SMARCC1: variants seen among roughly 807,000 people sequenced by gnomAD.
SMARCC1 encodes SWI/SNF complex subunit SMARCC1.
SMARCC1 carries 43 observed loss-of-function variants against 147.4 expected under a neutral mutation model. That is an observed-to-expected ratio of 0.29 (90% CI 0.23 to 0.38). The LOEUF (loss-of-function observed/expected upper bound fraction) is 0.38, where lower values mean the gene tolerates loss of function less well. SMARCC1 is among the 10% of genes least tolerant of loss of function. The pLI is 1.00. For missense variants in SMARCC1, 1,119 were observed against 1,381.1 expected, an observed-to-expected ratio of 0.81 and a Z score of 3.01; for synonymous variants, 495 against 484.4, an observed-to-expected ratio of 1.02 and a Z score of -0.29.
chr3:47,608,385 C>G (rs1268711335), intron 26 of SMARCC1, among the ~76,000 whole-genome samples: 1 of 152,156 alleles, frequency 6.6e-6, no homozygotes, highest in Non-Finnish European at 1.5e-5. Context: ...TTGCGCCCGG[C>G]CTAAAATAGC....
chr3:47,624,284 C>T (rs1056162771), intron 24 of SMARCC1, among the ~76,000 whole-genome samples: 6 of 151,426 alleles, frequency 4.0e-5, no homozygotes, highest in African/African-American at 1.5e-4. Context: ...AACAAGAATC[C>T]ATCTCAAAAA....
chr3:47,659,959 G>A (rs556271009), intron 21 of SMARCC1, among the ~76,000 whole-genome samples: 3 of 151,990 alleles, frequency 2.0e-5, no homozygotes, highest in African/African-American at 4.8e-5. Flanking sequence ...TATACATTAC[G>A]GGTAAGAACA....
At chr3:47,692,550 T>C (rs1462543746) in intron 12 of SMARCC1, among the ~76,000 whole-genome samples, 1 of 152,212 alleles carries the variant, frequency 6.6e-6, no homozygotes, top group Non-Finnish European at 1.5e-5. Flanking sequence ...ATTATATTAT[T>C]ACCACCTTCC....
intron 26 of SMARCC1, among the ~76,000 whole-genome samples, chr3:47,592,190 G>A (rs1311324260): frequency 6.6e-6 from 1 of 152,148 alleles, no homozygotes; most frequent in East Asian, 1.9e-4. Context: ...TGAGCCTTCT[G>A]ACCCTTTAGA....
At chr3:47,660,108 T>C (rs994674064) in intron 21 of SMARCC1, among the ~76,000 whole-genome samples, 1 of 152,030 alleles carries the variant, frequency 6.6e-6, no homozygotes, top group Non-Finnish European at 1.5e-5. Flanking sequence ...ACAAAAAAGC[T>C]TGTATATAAG....
At chr3:47,778,935 C>T (rs1245564904) in intron 1 of SMARCC1, among the ~76,000 whole-genome samples, 1 of 151,798 alleles carries the variant, frequency 6.6e-6, no homozygotes, top group Non-Finnish European at 1.5e-5. Context: ...CTGCAGTGTG[C>T]TATGATCTCA....
intron 5 of SMARCC1, among the ~76,000 whole-genome samples, chr3:47,733,498 G>A (rs2034401376): frequency 6.6e-6 from 1 of 152,136 alleles, no homozygotes; most frequent in Non-Finnish European, 1.5e-5. Context: ...GCTCATGACT[G>A]TAATCTCAGC....
At chr3:47,635,991 T>C in intron 23 of SMARCC1, 31 bp downstream of exon 23, 1 of 1,036,694 alleles carries the variant, frequency 9.6e-7, no homozygotes, top group Non-Finnish European at 1.5e-6. Flanking sequence ...CAGTTTTACA[T>C]AATAATATCT....
intron 3 of SMARCC1, among the ~76,000 whole-genome samples, chr3:47,743,356 A>G (rs2034530278): frequency 6.6e-6 from 1 of 152,212 alleles, no homozygotes; most frequent in South Asian, 2.1e-4. Context: ...AAAAATTCTT[A>G]TTCCTGACAA....
chr3:47,693,638 TA>T (rs1033830909), intron 11 of SMARCC1, among the ~76,000 whole-genome samples: 2 of 152,078 alleles, frequency 1.3e-5, no homozygotes, highest in African/African-American at 4.8e-5. Flanking sequence ...TTCATTCTTT[TA>T]AAAAAAATTA....
At chr3:47,598,782 C>A (rs1262781394) in intron 26 of SMARCC1, among the ~76,000 whole-genome samples, 27 of 141,926 alleles carry the variant, frequency 1.9e-4, no homozygotes, top group African/African-American at 6.6e-4. Context: ...GAGCTGAGAT[C>A]ACGCCACTGC....
At chr3:47,606,101 A>T (rs76458485) in intron 26 of SMARCC1, among the ~76,000 whole-genome samples, 1 of 148,832 alleles carries the variant, frequency 6.7e-6, no homozygotes, top group Non-Finnish European at 1.5e-5. Flanking sequence ...GACTAAAAAT[A>T]AAAAAAAAAC....
At position 47,592,960 on chromosome 3, in the gene SMARCC1, C is replaced by A. The variant is rs997227608; in HGVS notation, c.3044-2123G>T. Among the ~76,000 whole-genome samples the A allele has an allele frequency of 1.1e-4, 17 of 151,912 alleles. 1 individual carries two copies. The highest frequency in any genetic ancestry group is 1.0e-3 in the Admixed American group (16 of 15,242). ...TCAGCCTCCTAAGTAGTTGGGACTA[C>A]AGGTGTGCACCACCATGCCTGGCTC... On this transcript the variant is annotated intron_variant, in intron 26 of 27. Transcript: ENST00000254480.
chr3:47,706,655 A>G, intron 9 of SMARCC1, 125 bp from the exon 10 acceptor site: 1 of 839,798 alleles, frequency 1.2e-6, no homozygotes, highest in Non-Finnish European at 1.7e-6. Flanking sequence ...AGCAAATAAA[A>G]AGAATATCAT....
intron 9 of SMARCC1, among the ~76,000 whole-genome samples, chr3:47,709,425 C>T (rs1470011624): frequency 4.6e-5 from 7 of 152,086 alleles, no homozygotes; most frequent in Non-Finnish European, 1.0e-4. Flanking sequence ...GTGGCTCATG[C>T]CTGTAATCCC....
intron 18 of SMARCC1, among the ~76,000 whole-genome samples, chr3:47,674,534 T>C (rs1014600285): frequency 6.6e-6 from 1 of 152,238 alleles, no homozygotes; most frequent in Non-Finnish European, 1.5e-5. Context: ...TATGTTCTTC[T>C]CTACCCTCGC....
intron 13 of SMARCC1, among the ~76,000 whole-genome samples, chr3:47,688,339 A>T (rs531449992): frequency 4.4e-4 from 66 of 151,670 alleles, no homozygotes; most frequent in Non-Finnish European, 7.8e-4. Context: ...AGAACAATAC[A>T]GGTGAAGAGT....
At chr3:47,695,721 C>G (rs1022473637) in intron 11 of SMARCC1, among the ~76,000 whole-genome samples, 5 of 146,634 alleles carry the variant, frequency 3.4e-5, no homozygotes, top group Non-Finnish European at 5.9e-5. Flanking sequence ...AGAGATCATG[C>G]CAATGCACTC....
chr3:47,780,531 A>G (rs2035033902), intron 1 of SMARCC1, among the ~76,000 whole-genome samples: 1 of 152,120 alleles, frequency 6.6e-6, no homozygotes, highest in Non-Finnish European at 1.5e-5. Context: ...AAACACTGAC[A>G]GGCTTCACTG....
Sources: allele counts gnomAD v4.1 joint callset (sites outside exome capture counted in the v4.1 genomes callset), GRCh38; gene constraint gnomAD v4.1.1; transcripts MANE v1.5; gene names NCBI Gene and HGNC (gene_info 2026-07-23, HGNC 2026-07-21).